The following RTL4 variants were observed in gnomAD, a reference collection of about 807,000 sequenced individuals.
RTL4 encodes the protein retrotransposon Gag-like protein 4.
RTL4 carries 4 observed loss-of-function variants against 5.3 expected under a neutral mutation model. The observed-to-expected ratio is 0.75, with a 90% CI of 0.37 to 1.72. The LOEUF is 1.72. Ranked by LOEUF, RTL4 falls within the 40% of genes most tolerant of loss-of-function variation. The pLI is 0.04. For missense variants in RTL4, 260 were observed against 227.1 expected, an observed-to-expected ratio of 1.14 and a Z score of -0.93; for synonymous variants, 98 against 87.3, an observed-to-expected ratio of 1.12 and a Z score of -0.68.
the RTL4 span, among the ~76,000 whole-genome samples, chrX:112,086,474 A>T: frequency 1.8e-5 from 2 of 112,490 alleles, no homozygotes; most frequent in African/African-American, 6.5e-5. Flanking sequence ...TATGGGTTTT[A>T]ACACTCAGCA....
chrX:112,140,296 C>T, the RTL4 span, among the ~76,000 whole-genome samples: 10 of 111,330 alleles, frequency 9.0e-5, no homozygotes, highest in African/African-American at 2.9e-4. Context: ...ATCCCTGGTT[C>T]CTTTGATGGG....
the RTL4 span, among the ~76,000 whole-genome samples, chrX:112,166,534 G>C: frequency 7.1e-5 from 8 of 111,997 alleles, no homozygotes; most frequent in Non-Finnish European, 1.3e-4. Flanking sequence ...GAGGAAGTGA[G>C]AAAGCAGGGG....
the RTL4 span, among the ~76,000 whole-genome samples, chrX:112,337,941 T>C: frequency 8.9e-5 from 10 of 111,772 alleles, no homozygotes; most frequent in African/African-American, 3.3e-4. Context: ...ATTTCCTTCT[T>C]ATACTTCCTG....
chrX:112,187,706 C>T, the RTL4 span, among the ~76,000 whole-genome samples: 1 of 111,440 alleles, frequency 9.0e-6, no homozygotes, highest in Middle Eastern at 4.6e-3. Flanking sequence ...CAATATATCC[C>T]CCAGCCATGG....
At chrX:112,241,233 G>T in the RTL4 span, among the ~76,000 whole-genome samples, 2 of 111,229 alleles carry the variant, frequency 1.8e-5, no homozygotes, top group East Asian at 5.6e-4. Context: ...GGGTCAAATG[G>T]TATTTCTAGT....
At chrX:112,235,381 T>C in the RTL4 span, among the ~76,000 whole-genome samples, 2 of 111,836 alleles carry the variant, frequency 1.8e-5, no homozygotes, top group Non-Finnish European at 3.8e-5. Flanking sequence ...TGTTCTGTGC[T>C]GCCTCTGCTA....
chrX:112,275,272 C>T, the RTL4 span, among the ~76,000 whole-genome samples: 3 of 109,572 alleles, frequency 2.7e-5, no homozygotes, highest in Non-Finnish European at 5.7e-5. Context: ...CGAGAACTAG[C>T]CATGGAACTG....
chrX:112,448,658 C>A, the RTL4 span, among the ~76,000 whole-genome samples: 1 of 111,552 alleles, frequency 9.0e-6, no homozygotes, highest in Non-Finnish European at 1.9e-5. Flanking sequence ...TGGTAACTTA[C>A]TTCATGGAGA....
the RTL4 span, among the ~76,000 whole-genome samples, chrX:112,202,629 C>T: frequency 9.3e-6 from 1 of 107,755 alleles, no homozygotes; most frequent in Non-Finnish European, 1.9e-5. Flanking sequence ...GGCGCGATCT[C>T]AGCTCACTGC....
At chrX:112,146,803 C>T in the RTL4 span, among the ~76,000 whole-genome samples, 5 of 108,943 alleles carry the variant, frequency 4.6e-5, no homozygotes, top group Admixed American at 1.0e-4. Context: ...TGGCTTGCAA[C>T]GCAGAGAACT....
the RTL4 span, among the ~76,000 whole-genome samples, chrX:112,343,972 A>G: frequency 8.9e-6 from 1 of 112,033 alleles, no homozygotes; most frequent in Non-Finnish European, 1.9e-5. Flanking sequence ...ATACTGAATA[A>G]TGAGTGTTTT....
chrX:112,122,922 G>A, the RTL4 span, among the ~76,000 whole-genome samples: 2 of 110,767 alleles, frequency 1.8e-5, no homozygotes, highest in Non-Finnish European at 3.8e-5. Flanking sequence ...TTAATTGGTA[G>A]AGGTAAAATT....
chrX:112,265,812 G>T, the RTL4 span, among the ~76,000 whole-genome samples: 22 of 104,532 alleles, frequency 2.1e-4, no homozygotes, highest in Admixed American at 4.2e-4. Flanking sequence ...CCTCCTCCAT[G>T]CATAACCTTA....
chrX:112,441,506 C>T, the RTL4 span, among the ~76,000 whole-genome samples: 1 of 111,751 alleles, frequency 8.9e-6, no homozygotes, highest in Non-Finnish European at 1.9e-5. Flanking sequence ...TGACAACACA[C>T]ACAAATAAAT....
chrX:112,326,874 A>G, the RTL4 span, among the ~76,000 whole-genome samples: 5 of 111,580 alleles, frequency 4.5e-5, no homozygotes, highest in Non-Finnish European at 9.4e-5. Context: ...CCTAACTGGG[A>G]GGCACCCCCC....
At chrX:112,407,699 G>T in the RTL4 span, among the ~76,000 whole-genome samples, 1 of 112,475 alleles carries the variant, frequency 8.9e-6, no homozygotes, top group Admixed American at 9.3e-5. Flanking sequence ...CCTTGTATGA[G>T]ACACAGGGCT....
chrX:112,213,247 G>C, the RTL4 span, among the ~76,000 whole-genome samples: 1 of 112,892 alleles, frequency 8.9e-6, no homozygotes, highest in Non-Finnish European at 1.9e-5. Flanking sequence ...ACATAATGTT[G>C]TTGGCTCTTC....
the RTL4 span, among the ~76,000 whole-genome samples, chrX:112,215,537 G>A: frequency 4.5e-5 from 5 of 112,057 alleles, no homozygotes; most frequent in South Asian, 3.7e-4. Context: ...TATAAGTGGA[G>A]TCACACAATA....
the RTL4 span, among the ~76,000 whole-genome samples, chrX:112,388,639 C>T: frequency 3.6e-5 from 4 of 111,718 alleles, no homozygotes; most frequent in Non-Finnish European, 7.5e-5. Context: ...TGAATTCTAC[C>T]GAAAGTCTTT....
Sources: gnomAD v4.1 joint callset for allele counts (sites outside exome capture counted in the v4.1 genomes callset) on GRCh38, gnomAD v4.1.1 for gene constraint, MANE v1.5 for transcripts, NCBI Gene and HGNC (gene_info 2026-07-23, HGNC 2026-07-21) for gene names.